UBE2F: variants seen among roughly 807,000 people sequenced by gnomAD.
UBE2F encodes NEDD8-conjugating enzyme UBE2F.
Under a neutral mutation model 29.6 loss-of-function variants are expected in UBE2F, and 5 were observed. The observed-to-expected ratio is 0.17, with a 90% confidence interval of 0.09 to 0.36. UBE2F has a LOEUF of 0.36. UBE2F is among the 10% of genes least tolerant of loss of function. The pLI is 1.00. For missense variants in UBE2F, 141 were observed against 228.5 expected, an observed-to-expected ratio of 0.62 and a Z score of 2.47; for synonymous variants, 66 against 81.8, an observed-to-expected ratio of 0.81 and a Z score of 1.04.
chr2:238,032,394 T>C, intron 8 of UBE2F, 140 bp downstream of exon 8: 1 of 699,570 alleles, frequency 1.4e-6, no homozygotes, highest in South Asian at 1.9e-5. Flanking sequence ...ACGCCTGTAA[T>C]CCTAGCACTT....
intron 2 of UBE2F, chr2:237,986,039 T>C (rs1249764093): frequency 4.8e-6 from 1 of 210,286 alleles, no homozygotes; most frequent in African/African-American, 2.3e-5. Flanking sequence ...TTTTTTTTGC[T>C]ATTGAGTTGT....
chr2:237,970,016 G>C (rs12620528), intron 1 of UBE2F, among the ~76,000 whole-genome samples: 8,018 of 152,134 alleles, frequency 0.053, 570 homozygotes, highest in East Asian at 0.2. Flanking sequence ...ACACTAAATT[G>C]CCCATATTTA....
Position 238,041,353 on chromosome 2 carries a change from T to G in UBE2F, c.*15T>G, listed in dbSNP as rs2064834609. ...ATGCCAGATGATAAAAGGGGACGAT[T>G]GCAGGCCCATGGACTGTGTTACAGT... is the stretch of plus-strand genomic sequence containing the variant. On this transcript the variant is annotated 3_prime_UTR_variant, in exon 10 of 10. Coordinates refer to ENST00000272930, the MANE Select transcript of UBE2F (RefSeq NM_080678.3). 1.2e-6 allele frequency: 2 copies of G among 1,613,596 alleles called. No individual in the cohort carries two copies. The highest frequency in any genetic ancestry group is 1.3e-5 in the African/African-American group (1 of 75,042).
At position 238,041,435 on chromosome 2, in the gene UBE2F, C is replaced by G; in HGVS notation, c.*97C>G. ...CCCCTCTCCCGTCCTCATGCTCCCT[C>G]TCAGTCCCCTGGATTGCCCCAGTCC... On this transcript the variant is annotated 3_prime_UTR_variant, in exon 10 of 10. Transcript: ENST00000272930. The G allele has an allele frequency of 1.6e-6, 2 of 1,281,978 alleles. No individual in the cohort carries two copies. The highest frequency in any genetic ancestry group is 2.3e-6 in the Non-Finnish European group (2 of 887,846). The allele number at this position is 1,281,978 out of a possible 1,614,324, so 79.4% of individuals were successfully genotyped here.
chr2:238,012,038 C>G (rs947308075), intron 4 of UBE2F, among the ~76,000 whole-genome samples: 1 of 119,558 alleles, frequency 8.4e-6, no homozygotes, highest in African/African-American at 3.2e-5. Context: ...ACCACCACAC[C>G]TGGCAATTTT....
At position 238,021,179 on chromosome 2, in the gene UBE2F, A is replaced by C. The variant is rs1220578948; in HGVS notation, c.283-4163A>C. On this transcript the variant is annotated intron_variant, in intron 5 of 9. Transcript: ENST00000272930. Reference sequence around the variant, plus strand: ...GGAAGTGAAGACACCACGTCTCCTCACATGTTGTTGGCCAAATCAGATAAC... The same window carrying C: ...GGAAGTGAAGACACCACGTCTCCTCCCATGTTGTTGGCCAAATCAGATAAC... 2.6e-5 allele frequency among the ~76,000 whole-genome samples: 4 copies of C among 152,134 alleles called. No homozygotes were observed. The East Asian group carries it at 7.7e-4, about 29-fold the overall frequency.
chr2:237,982,924 GTGTGGGCATGAGAAGAATAATGGTAA>G lies in UBE2F; in HGVS notation c.119-5038_119-5013del, dbSNP rs2063406943. Among the ~76,000 whole-genome samples, 1 of 152,156 alleles carries G rather than the reference GTGTGGGCATGAGAAGAATAATGGTAA, an allele frequency of 6.6e-6. No homozygotes were observed. The highest frequency in any genetic ancestry group is 1.5e-5 in the Non-Finnish European group (1 of 68,036). ...CCATTGGAAAGGCAGCTATGTATCA[GTGTGGGCATGAGAAGAATAATGGTAA>G]ACCTTTCCTAGGATCACCATCATTA... On this transcript the variant is annotated intron_variant, in intron 2 of 9. Transcript: ENST00000272930. The surrounding 1 kb of genome is among the most constrained non-coding windows in gnomAD (Gnocchi z 4.1).
chr2:237,967,077 C>A lies in UBE2F; in HGVS notation c.-72C>A. 2 of 1,330,750 alleles carry A rather than the reference C, an allele frequency of 1.5e-6. No individual in the cohort carries two copies. The highest frequency in any genetic ancestry group is 1.9e-6 in the Non-Finnish European group (2 of 1,038,610). 82.4% of individuals were successfully genotyped at this position (1,330,750 alleles called of 1,614,324 possible). A position where few individuals can be genotyped will look rare whatever the true frequency, so the allele number is the denominator to read the frequency against. On this transcript the variant is annotated 5_prime_UTR_variant, in exon 1 of 10. Coordinates refer to ENST00000272930, the MANE Select transcript of UBE2F (RefSeq NM_080678.3). The surrounding 1 kb of genome is among the most constrained non-coding windows in gnomAD (Gnocchi z 6.3). Reference sequence around the variant, plus strand: ...GGGGCCGCGTCTCGCAGCAGCCGCCCGGACCGGGCATGGTGTTGGGCGCCG... The same window carrying A: ...GGGGCCGCGTCTCGCAGCAGCCGCCAGGACCGGGCATGGTGTTGGGCGCCG...
At position 237,967,618 on chromosome 2, in the gene UBE2F, GCT is replaced by G. The variant is rs1297574880; in HGVS notation, c.-17+487_-17+488del. 6.6e-6 allele frequency among the ~76,000 whole-genome samples: 1 copy of G among 152,198 alleles called. No individual in the cohort carries two copies. Among genetic ancestry groups the G allele is most frequent in the African/African-American group, 2.4e-5 (1 of 41,462 alleles). The stretch of plus-strand genomic sequence containing the variant: ...GACTCCCGATCGGGGCAGGAGTCGC[GCT>G]AGGCCGTGAGGAGCGGGGGAGGTGA... On this transcript the variant is annotated intron_variant, in intron 1 of 9. Coordinates refer to ENST00000272930, the MANE Select transcript of UBE2F (RefSeq NM_080678.3). This position sits in a 1 kb window ranked among gnomAD's most constrained non-coding sequence, Gnocchi z 6.3.
At chr2:237,996,467 C>G (rs1183797830) in intron 4 of UBE2F, among the ~76,000 whole-genome samples, 4 of 129,224 alleles carry the variant, frequency 3.1e-5, no homozygotes, top group African/African-American at 1.4e-4. Context: ...TTCCCCGCCT[C>G]CCCTCCGCGT....
rs1016817951 is a variant in UBE2F at position 237,967,400 on chromosome 2, C to CGCG, written c.-17+282_-17+284dup. ...CTGGCCTCGCCCGGCAGTGAGTGAC[C>CGCG]GCGGCGGCGGCGGCGGGGGACGGCC... On this transcript the variant is annotated intron_variant, in intron 1 of 9. Transcript: ENST00000272930. The surrounding 1 kb of genome is among the most constrained non-coding windows in gnomAD (Gnocchi z 6.3). 4.0e-5 allele frequency among the ~76,000 whole-genome samples: 6 copies of CGCG among 150,034 alleles called. No individual in the cohort carries two copies. The highest frequency in any genetic ancestry group is 7.4e-5 in the Non-Finnish European group (5 of 67,286).
rs150689917 is a variant in UBE2F at position 238,034,184 on chromosome 2, G to A, written c.445-1694G>A. On this transcript the variant is annotated intron_variant, in intron 8 of 9. Transcript: ENST00000272930. ...TCACGCCTGTACTCCCAGCACTTTA[G>A]GAGGCGCTGAGGCCAGCAGATCACC... Among the ~76,000 whole-genome samples, 372 of 152,076 alleles carry A rather than the reference G, an allele frequency of 2.4e-3. 8 individuals are homozygous for A. The highest frequency in any genetic ancestry group is 0.017 in the East Asian group (86 of 5,168).
At chr2:237,986,156 T>C in intron 2 of UBE2F, 1 of 390,580 alleles carries the variant, frequency 2.6e-6, no homozygotes, top group Non-Finnish European at 4.9e-6. Flanking sequence ...TTTTTTTTTT[T>C]TTGAGACGGG....
At chr2:237,977,010 A>G (rs2063295042) in intron 2 of UBE2F, among the ~76,000 whole-genome samples, 1 of 152,132 alleles carries the variant, frequency 6.6e-6, no homozygotes. Flanking sequence ...TCCACAGAAA[A>G]GAGAGTTCAA....
chr2:238,005,308 G>A (rs974999912), intron 4 of UBE2F, among the ~76,000 whole-genome samples: 4 of 151,944 alleles, frequency 2.6e-5, no homozygotes, highest in African/African-American at 7.3e-5. Flanking sequence ...TTATCCTTCC[G>A]CCTCAGCCTC....
chr2:238,024,076 A>C (rs2064357361), intron 5 of UBE2F, among the ~76,000 whole-genome samples: 2 of 152,228 alleles, frequency 1.3e-5, no homozygotes, highest in African/African-American at 4.8e-5. Flanking sequence ...AAACATATGT[A>C]GCACAGCTTT....
chr2:238,017,866 G>T (rs568065988), intron 5 of UBE2F, among the ~76,000 whole-genome samples: 2 of 152,286 alleles, frequency 1.3e-5, no homozygotes, highest in African/African-American at 4.8e-5. Context: ...TGCTCCCACT[G>T]CCTGACGAGT....
intron 4 of UBE2F, among the ~76,000 whole-genome samples, chr2:238,000,647 C>A (rs575211738): frequency 6.6e-6 from 1 of 152,216 alleles, no homozygotes; most frequent in South Asian, 2.1e-4. Flanking sequence ...CTTCATTTGC[C>A]AGTATGTTTT....
chr2:237,975,121 G>A (rs1216265669), intron 2 of UBE2F, among the ~76,000 whole-genome samples: 1 of 131,910 alleles, frequency 7.6e-6, no homozygotes, highest in Admixed American at 7.6e-5. Context: ...TTTTTTTTTT[G>A]AGACAGACTC....
Sources: allele counts gnomAD v4.1 joint callset (sites outside exome capture counted in the v4.1 genomes callset), GRCh38; gene constraint gnomAD v4.1.1; non-coding constraint Gnocchi (gnomAD v3.1); transcripts MANE v1.5; gene names NCBI Gene and HGNC (gene_info 2026-07-23, HGNC 2026-07-21).